Variants in DNAAF8 observed in about 807,000 individuals in gnomAD.
The protein encoded by DNAAF8 is dynein axonemal-associated protein 1.
In DNAAF8, 61 loss-of-function variants were observed where a neutral mutation model predicts 54.6. That is an observed-to-expected ratio of 1.12 (90% confidence interval 0.91 to 1.38). DNAAF8 has a LOEUF of 1.38. Ranked by LOEUF, DNAAF8 falls within the 40% of genes most tolerant of loss-of-function variation. DNAAF8 has a pLI of 0.00. For missense variants in DNAAF8, 837 were observed against 665.0 expected, an observed-to-expected ratio of 1.26 and a Z score of -2.85; for synonymous variants, 320 against 270.1, an observed-to-expected ratio of 1.18 and a Z score of -1.81.
intron 4 of DNAAF8, 63 bp from the exon 5 acceptor site, chr16:4,742,980 G>A (rs1295831469): frequency 1.6e-6 from 2 of 1,285,340 alleles, no homozygotes; most frequent in Non-Finnish European, 2.3e-6. Context: ...CAGCTGTGAA[G>A]CAGGTACTTG....
intron 5 of DNAAF8, 184 bp downstream of exon 5, chr16:4,743,344 A>C: frequency 2.0e-6 from 1 of 509,714 alleles, no homozygotes; most frequent in Non-Finnish European, 3.4e-6. Context: ...TTCAACATAT[A>C]TGTGACCGCC....
chr16:4,746,951 T>TGAGGAG lies in DNAAF8; in HGVS notation c.1218_1223dup (p.Glu408_Glu409dup), dbSNP rs763869305. On this transcript the variant is annotated inframe_insertion, in exon 8 of 10. Transcript: ENST00000299320. ...GCTCCAGCCACAGCTCCTCTGACAG[T>TGAGGAG]GAGGAGGAGGAGGAGGAAGAGATGG... The TGAGGAG allele has an allele frequency of 1.9e-6, 3 of 1,553,576 alleles. No homozygotes were observed. The highest frequency in any genetic ancestry group is 2.4e-5 in the East Asian group (1 of 41,390).
Position 4,747,629 on chromosome 16 carries a change from C to T in DNAAF8, c.*4C>T. The T allele has an allele frequency of 6.3e-7, 1 of 1,598,304 alleles. No homozygotes were observed. Among genetic ancestry groups the T allele is most frequent in the Non-Finnish European group, 8.5e-7 (1 of 1,170,368 alleles). On this transcript the variant is annotated 3_prime_UTR_variant, in exon 9 of 10. Coordinates refer to ENST00000299320, the MANE Select transcript of DNAAF8 (RefSeq NM_139170.3). Reference sequence around the variant, plus strand: ...GCCTCCTCTGGAGCAACTATAGCTGCCTCAGGTAGTGGGATCCCAGGAGTG... The same window carrying T: ...GCCTCCTCTGGAGCAACTATAGCTGTCTCAGGTAGTGGGATCCCAGGAGTG...
Position 4,740,560 on chromosome 16 carries a change from T to A in DNAAF8, c.684T>A (p.Gly228=). 1 of 1,613,490 alleles carries A rather than the reference T, an allele frequency of 6.2e-7. No individual in the cohort carries two copies. The highest frequency in any genetic ancestry group is 8.5e-7 in the Non-Finnish European group (1 of 1,179,902). Reference sequence around the variant, plus strand: ...GCGGCCCGACCAGCAGTGACAAAGGTGGGGTGAAGGAGGCGCCCTGCCACG... The same window carrying A: ...GCGGCCCGACCAGCAGTGACAAAGGAGGGGTGAAGGAGGCGCCCTGCCACG... ...DACGPTSSDK[G]GVKEAPCHAA... Residue 228 remains glycine (G), a synonymous_variant, in exon 4 of 10, where the codon GGT becomes GGA. Transcript: ENST00000299320.
intron 9 of DNAAF8, 76 bp downstream of exon 9, chr16:4,747,710 C>T (rs2082036369): frequency 6.9e-7 from 1 of 1,451,252 alleles, no homozygotes; most frequent in East Asian, 2.5e-5. Flanking sequence ...CCTTGTTGTT[C>T]CTGCATTTCC....
At position 4,746,470 on chromosome 16, in the gene DNAAF8, A is replaced by G. The variant is rs143936171; in HGVS notation, c.1139A>G (p.Asp380Gly). The G allele has an allele frequency of 2.4e-5, 38 of 1,613,566 alleles. No homozygotes were observed. The highest frequency in any genetic ancestry group is 2.9e-5 in the Non-Finnish European group (34 of 1,180,002). Reference sequence around the variant, plus strand: ...GCAGAGTCCCCCACCATCTTTATTGACCTGCGGCAGATGGAGCTACCAGAC... The same window carrying G: ...GCAGAGTCCCCCACCATCTTTATTGGCCTGCGGCAGATGGAGCTACCAGAC... ...LNAESPTIFI[D>G]LRQMELPDHL... is the part of the protein sequence containing the mutation. Residue 380 changes from aspartate to glycine, a missense_variant, in exon 7 of 10, where the codon GAC becomes GGC. By Grantham distance (94) the Asp-to-Gly change is moderately conservative (BLOSUM62 -1). Transcript: ENST00000299320.
chr16:4,745,863 G>A (rs1343188091), intron 6 of DNAAF8, among the ~76,000 whole-genome samples: 1 of 148,840 alleles, frequency 6.7e-6, no homozygotes, highest in African/African-American at 2.5e-5. Flanking sequence ...TGAGGCAGGA[G>A]AAATCTCTTG....
Position 4,747,397 on chromosome 16 carries a change from G to T in DNAAF8, c.1335G>T (p.Gly445=). 6.2e-7 allele frequency: 1 copy of T among 1,612,188 alleles called. No individual in the cohort carries two copies. Among genetic ancestry groups the T allele is most frequent in the Non-Finnish European group, 8.5e-7 (1 of 1,179,454 alleles). Residue 445 remains glycine (G), a synonymous_variant, in exon 9 of 10, where the codon GGG becomes GGT. Coordinates refer to ENST00000299320, the MANE Select transcript of DNAAF8 (RefSeq NM_139170.3). ...AGCAGCTCAGGGCCTTTCAGAAGGG[G>T]ACAGCCCAGCCCGAGCTGCCTGCCA... ...LLQQLRAFQK[G]TAQPELPASK... is the part of the protein sequence containing the mutation.
intron 1 of DNAAF8, among the ~76,000 whole-genome samples, chr16:4,735,720 G>A (rs1437509442): frequency 6.6e-6 from 1 of 152,148 alleles, no homozygotes; most frequent in Non-Finnish European, 1.5e-5. Flanking sequence ...CACTTTGGGA[G>A]GCTGAGGCAA....
chr16:4,747,303 C>A, intron 8 of DNAAF8, 40 bp from the exon 9 acceptor site: 1 of 1,521,016 alleles, frequency 6.6e-7, no homozygotes, highest in Non-Finnish European at 8.8e-7. Context: ...GAGGGGCGGC[C>A]CCCACGGGGT....
intron 7 of DNAAF8, 125 bp downstream of exon 7, chr16:4,746,637 C>G: frequency 1.5e-6 from 2 of 1,301,360 alleles, no homozygotes; most frequent in Non-Finnish European, 1.0e-6. Context: ...GATCAATTCT[C>G]AATTGAAAAG....
At chr16:4,743,276 T>G in intron 5 of DNAAF8, 116 bp downstream of exon 5, 1 of 694,746 alleles carries the variant, frequency 1.4e-6, no homozygotes, top group Non-Finnish European at 2.4e-6. Flanking sequence ...CACACAAGTC[T>G]TCCCTGCTGG....
At position 4,739,183 on chromosome 16, in the gene DNAAF8, G is replaced by A; in HGVS notation, c.277-970G>A. On this transcript the variant is annotated intron_variant, in intron 3 of 9. Coordinates refer to ENST00000299320, the MANE Select transcript of DNAAF8 (RefSeq NM_139170.3). Reference sequence around the variant, plus strand: ...CTAAGAACTCTGGTGGGTTCAGGTGGAACAATTTGCATGTGATTTTATTTT... The same window carrying A: ...CTAAGAACTCTGGTGGGTTCAGGTGAAACAATTTGCATGTGATTTTATTTT... Among the ~76,000 whole-genome samples the A allele has an allele frequency of 1.3e-5, 2 of 150,786 alleles. 1 individual carries two copies. The highest frequency in any genetic ancestry group is 3.0e-5 in the Non-Finnish European group (2 of 67,784).
chr16:4,738,075 C>T, intron 3 of DNAAF8, 129 bp downstream of exon 3: 1 of 1,207,124 alleles, frequency 8.3e-7, no homozygotes. Flanking sequence ...CCCCCATGTA[C>T]AACCCAAGGT....
At chr16:4,740,692 G>C in intron 4 of DNAAF8, 33 bp downstream of exon 4, 1 of 1,542,318 alleles carries the variant, frequency 6.5e-7, no homozygotes, top group Admixed American at 1.9e-5. Context: ...CTGTTTCTCA[G>C]GCCTGTTACC....
At position 4,749,041 on chromosome 16, in the gene DNAAF8, T is replaced by A. The variant is rs966883634; in HGVS notation, c.*326T>A. The A allele has an allele frequency of 3.3e-5, 5 of 152,320 alleles. No individual in the cohort carries two copies. The highest frequency in any genetic ancestry group is 1.2e-4 in the African/African-American group (5 of 41,464). 9.4% of individuals were successfully genotyped at this position (152,320 alleles called of 1,614,324 possible). ...GACCCCCACCCGACCCCACTCCCAA[T>A]GATGAGGGGCATTTTCATTGCAAGT... is the stretch of plus-strand genomic sequence containing the variant. On this transcript the variant is annotated 3_prime_UTR_variant, in exon 10 of 10. Coordinates refer to ENST00000299320, the MANE Select transcript of DNAAF8 (RefSeq NM_139170.3).
intron 2 of DNAAF8, 144 bp downstream of exon 2, chr16:4,736,787 G>A: frequency 1.0e-6 from 1 of 954,406 alleles, no homozygotes; most frequent in Non-Finnish European, 1.4e-6. Context: ...AAATCGCATG[G>A]CCAGACTCAA....
chr16:4,746,330 T>C, intron 6 of DNAAF8, 45 bp from the exon 7 acceptor site: 12 of 1,573,868 alleles, frequency 7.6e-6, no homozygotes, highest in Non-Finnish European at 1.0e-5. Flanking sequence ...GTCACAGAGT[T>C]ATCACAGAGA....
At chr16:4,745,899 A>G (rs2082009334) in intron 6 of DNAAF8, among the ~76,000 whole-genome samples, 1 of 149,278 alleles carries the variant, frequency 6.7e-6, no homozygotes, top group African/African-American at 2.5e-5. Context: ...GGTTGCAGTG[A>G]CCAAGATCAT....
Sources: gnomAD v4.1 joint callset for allele counts (sites outside exome capture counted in the v4.1 genomes callset) on GRCh38, gnomAD v4.1.1 for gene constraint, MANE v1.5 for transcripts, NCBI Gene and HGNC (gene_info 2026-07-23, HGNC 2026-07-21) for gene names.